Variants in TTC23 observed in about 807,000 individuals in gnomAD.
TTC23 encodes the protein tetratricopeptide repeat protein 23.
TTC23 carries 58 observed loss-of-function variants against 55.1 expected under a neutral mutation model. The observed-to-expected ratio is 1.05, with a 90% confidence interval of 0.85 to 1.31. TTC23 has a LOEUF of 1.31. Among genes scored for constraint, TTC23 ranks in the 50% most tolerant of loss-of-function variants. The probability of loss-of-function intolerance (pLI) is 0.00; values close to 1 mark genes in which losing one functional copy is unlikely to be tolerated. For synonymous variants in TTC23, 203 were observed against 199.9 expected (o/e 1.02, Z -0.13); for missense variants, 516 against 534.4 (o/e 0.97, Z 0.34).
chr15:99,212,823 C>CA (rs968387899), intron 8 of TTC23, among the ~76,000 whole-genome samples: 4 of 151,338 alleles, frequency 2.6e-5, no homozygotes, highest in South Asian at 2.1e-4. Flanking sequence ...CCTGTCTCTA[C>CA]AAAAAAATAA....
intron 9 of TTC23, among the ~76,000 whole-genome samples, chr15:99,189,407 T>A (rs550516624): frequency 6.6e-6 from 1 of 152,194 alleles, no homozygotes; most frequent in Non-Finnish European, 1.5e-5. Context: ...GGAAAATTTA[T>A]GTGAGAAGCA....
chr15:99,199,874 C>G (rs753689121), intron 9 of TTC23, 45 bp downstream of exon 9: 1 of 1,537,458 alleles, frequency 6.5e-7, no homozygotes, highest in Non-Finnish European at 8.8e-7. Context: ...CTATGAAAAG[C>G]ATTGGGCCTA....
intron 12 of TTC23, among the ~76,000 whole-genome samples, chr15:99,151,940 C>T (rs569539152): frequency 6.6e-6 from 1 of 152,218 alleles, no homozygotes; most frequent in Admixed American, 6.5e-5. Flanking sequence ...CCTCAGTTTC[C>T]CTCTTTATAA....
intron 3 of TTC23, among the ~76,000 whole-genome samples, chr15:99,239,854 C>T (rs941948126): frequency 1.3e-5 from 2 of 152,222 alleles, no homozygotes; most frequent in Non-Finnish European, 2.9e-5. Flanking sequence ...TGTTTTATCT[C>T]ATGTGGCCCT....
chr15:99,161,661 G>A (rs1187526260), intron 11 of TTC23, 79 bp downstream of exon 11: 2 of 1,505,458 alleles, frequency 1.3e-6, no homozygotes, highest in Admixed American at 2.0e-5. Context: ...GATGCTTAAT[G>A]GATGCTTGCA....
chr15:99,161,157 G>C (rs2071324155), intron 11 of TTC23: 1 of 128,524 alleles, frequency 7.8e-6, no homozygotes, highest in South Asian at 2.4e-4. Context: ...CCTATCTGTG[G>C]GCGATTGTAT....
intron 12 of TTC23, among the ~76,000 whole-genome samples, chr15:99,151,001 C>T (rs1200013221): frequency 1.3e-5 from 2 of 152,188 alleles, no homozygotes; most frequent in East Asian, 3.9e-4. Context: ...TTCAGGGCTA[C>T]TTATCTGGAC....
chr15:99,157,494 G>A (rs1271558765), intron 11 of TTC23: 3 of 152,134 alleles, frequency 2.0e-5, no homozygotes, highest in African/African-American at 4.8e-5. Flanking sequence ...TTACAGGCGC[G>A]AGCCACAATG....
At chr15:99,227,208 T>G (rs1403891895) in intron 5 of TTC23, among the ~76,000 whole-genome samples, 2 of 152,178 alleles carry the variant, frequency 1.3e-5, no homozygotes. Context: ...CTGTATTTGT[T>G]ATACTGATGA....
intron 8 of TTC23, among the ~76,000 whole-genome samples, chr15:99,203,051 C>T (rs958548397): frequency 1.6e-4 from 24 of 152,142 alleles, no homozygotes; most frequent in African/African-American, 5.6e-4. Context: ...TTGAAATGGG[C>T]TCAATTGTGA....
intron 8 of TTC23, among the ~76,000 whole-genome samples, chr15:99,214,607 T>G (rs976134234): frequency 2.6e-5 from 4 of 151,692 alleles, no homozygotes; most frequent in Non-Finnish European, 5.9e-5. Context: ...AAAAATATTT[T>G]TGTAGAGATG....
rs141199645 is a variant in TTC23, at chr15:99,231,194, A to AT, written c.-20-2463dup. On this transcript the variant is annotated intron_variant, in intron 4 of 13. Coordinates refer to ENST00000394132, the MANE Select transcript of TTC23 (RefSeq NM_001288615.3). Reference sequence around the variant, plus strand: ...AATTATGTACAGTACACAATATGTGATAATAGTTGATAAATGACTGTTACT... The same window carrying AT: ...AATTATGTACAGTACACAATATGTGATTAATAGTTGATAAATGACTGTTACT... 2.6e-3 allele frequency among the ~76,000 whole-genome samples: 396 copies of AT among 152,360 alleles called. 3 individuals are homozygous for AT. Among genetic ancestry groups the AT allele is most frequent in the Non-Finnish European group, 4.0e-3 (272 of 68,022 alleles).
chr15:99,175,069 T>C lies in TTC23; in HGVS notation c.846A>G (p.Ser282=). Residue 282 remains serine (S), a synonymous_variant, in exon 10 of 14, where the codon TCA becomes TCG. Coordinates refer to ENST00000394132, the MANE Select transcript of TTC23 (RefSeq NM_001288615.3). ...TCTCACCATGGTGCTCGTGTCTCCCTGAAGCGACAGCAGCATGGGCGACGA... is the reference window on the plus strand; with the variant it reads ...TCTCACCATGGTGCTCGTGTCTCCCCGAAGCGACAGCAGCATGGGCGACGA... ...AHIVAHAAVA[S]GRHEHHDVAE... is the part of the protein sequence containing the mutation. 6 of 1,614,148 alleles carry C rather than the reference T, an allele frequency of 3.7e-6. No individual in the cohort carries two copies. The highest frequency in any genetic ancestry group is 5.1e-6 in the Non-Finnish European group (6 of 1,180,024).
chr15:99,162,580 T>C (rs1283851541), intron 10 of TTC23, among the ~76,000 whole-genome samples: 3 of 152,112 alleles, frequency 2.0e-5, no homozygotes, highest in African/African-American at 7.2e-5. Context: ...TGAGCAGGAC[T>C]AGGGATGAAG....
chr15:99,173,558 C>G (rs1040977787), intron 10 of TTC23, among the ~76,000 whole-genome samples: 2 of 152,018 alleles, frequency 1.3e-5, no homozygotes, highest in African/African-American at 4.8e-5. Flanking sequence ...TGCATTCCAG[C>G]CTGGGTGACA....
chr15:99,138,199 CTGCCCAGCAGG>C (rs2067759932), intron 13 of TTC23, 72 bp from the exon 14 acceptor site: 3 of 1,581,624 alleles, frequency 1.9e-6, no homozygotes, highest in African/African-American at 1.3e-5. Flanking sequence ...CCAGCCTTTG[CTGCCCAGCAGG>C]TGCCCAGACC....
chr15:99,187,601 T>G (rs534777608), intron 9 of TTC23, among the ~76,000 whole-genome samples: 1 of 151,742 alleles, frequency 6.6e-6, no homozygotes. Context: ...GGCTCTAGTA[T>G]CCAGTATCCA....
In TTC23 at chr15:99,197,199, C is replaced by T. The variant is rs575264778; in HGVS notation, c.759+2720G>A. 5.8e-3 allele frequency among the ~76,000 whole-genome samples: 879 copies of T among 151,998 alleles called. 9 individuals are homozygous for T. The highest frequency in any genetic ancestry group is 0.038 in the Middle Eastern group (11 of 292). On this transcript the variant is annotated intron_variant, in intron 9 of 13. Coordinates refer to ENST00000394132, the MANE Select transcript of TTC23 (RefSeq NM_001288615.3). Reference sequence around the variant, plus strand: ...CTCACTGCAAGCTCCGCCTCCCAGGCTCACGCCATTCTCCTGCCTCAGCCT... The same window carrying T: ...CTCACTGCAAGCTCCGCCTCCCAGGTTCACGCCATTCTCCTGCCTCAGCCT...
intron 3 of TTC23, among the ~76,000 whole-genome samples, chr15:99,236,982 GTTT>G (rs200232010): frequency 2.1e-5 from 3 of 141,572 alleles, no homozygotes. Flanking sequence ...TCACTCCTAA[GTTT>G]TTTTTTTTTT....
Sources: allele counts gnomAD v4.1 joint callset (sites outside exome capture counted in the v4.1 genomes callset), GRCh38; gene constraint gnomAD v4.1.1; transcripts MANE v1.5; gene names NCBI Gene and HGNC (gene_info 2026-07-23, HGNC 2026-07-21).